Variants in SLC8A2 observed in about 807,000 individuals in gnomAD.
SLC8A2 encodes sodium/calcium exchanger 2.
SLC8A2 carries 14 observed loss-of-function variants against 70.2 expected under a neutral mutation model. The ratio of observed to expected loss-of-function variants is 0.20; its 90% CI spans 0.13 to 0.31. SLC8A2 has a LOEUF of 0.31. Ranked by LOEUF, SLC8A2 falls within the 10% of genes least tolerant of loss-of-function variation. The probability of loss-of-function intolerance (pLI) is 1.00; values close to 1 mark genes in which losing one functional copy is unlikely to be tolerated. For synonymous variants in SLC8A2, 575 were observed against 594.3 expected (o/e 0.97, Z 0.47); for missense variants, 779 against 1,320.1 (o/e 0.59, Z 6.35).
At position 47,432,365 on chromosome 19, in the gene SLC8A2, C is replaced by A. The variant is rs1330636630; in HGVS notation, c.2191G>T (p.Val731Leu). Reference sequence around the variant, plus strand: ...CAGGCGAAGAGCACCTTCCAGAACACCGTCAGGAAGTGCATCACGTAGTCA... The same window carrying A: ...CAGGCGAAGAGCACCTTCCAGAACAACGTCAGGAAGTGCATCACGTAGTCA... ...CFDYVMHFLT[V>L]FWKVLFACVP... The change falls in exon 9 of 10, where the codon GTG (valine) becomes TTG (leucine). Residue 731 changes from valine (V) to leucine (L), a missense_variant. Physicochemically the swap from Val to Leu is conservative, Grantham distance 32. This residue lies in a region of SLC8A2 where 247 missense variants were observed against 362.8 expected (regional missense o/e 0.68). Coordinates refer to ENST00000236877, the MANE Select transcript of SLC8A2 (RefSeq NM_015063.3). The surrounding 1 kb of genome is among the most constrained non-coding windows in gnomAD (Gnocchi z 6.2). 1.2e-6 allele frequency: 2 copies of A among 1,614,054 alleles called. No homozygotes were observed. Among genetic ancestry groups the A allele is most frequent in the Non-Finnish European group, 1.7e-6 (2 of 1,179,974 alleles).
intron 8 of SLC8A2, among the ~76,000 whole-genome samples, chr19:47,436,939 A>G (rs1189368350): frequency 6.6e-6 from 1 of 152,102 alleles, no homozygotes; most frequent in Non-Finnish European, 1.5e-5. Flanking sequence ...TGGCCACACC[A>G]TTTAATCTGT....
At position 47,466,553 on chromosome 19, in the gene SLC8A2, G is replaced by A. The variant is rs138996169; in HGVS notation, c.-16-134C>T. ...TGCAGGCAGGATGGGGACTGAGGGCGACAGAGACACAGAGAGTGACAGACA... is the reference window on the plus strand; with the variant it reads ...TGCAGGCAGGATGGGGACTGAGGGCAACAGAGACACAGAGAGTGACAGACA... On this transcript the variant is annotated intron_variant, in intron 1 of 9. Transcript: ENST00000236877. This position sits in a 1 kb window ranked among gnomAD's most constrained non-coding sequence, Gnocchi z 6.9. 5.4e-5 allele frequency: 30 copies of A among 552,818 alleles called. No individual in the cohort carries two copies. The highest frequency in any genetic ancestry group is 3.7e-4 in the South Asian group (14 of 38,350). The allele number at this position is 552,818 out of a possible 1,614,324, so 34.2% of individuals were successfully genotyped here.
chr19:47,442,297 C>T (rs1967109097), intron 4 of SLC8A2, among the ~76,000 whole-genome samples: 1 of 152,154 alleles, frequency 6.6e-6, no homozygotes, highest in Admixed American at 6.5e-5. Flanking sequence ...TCTGTTCCTT[C>T]AAGAGCAGCC....
Position 47,468,583 on chromosome 19 carries a change from C to T in SLC8A2, c.-16-2164G>A, listed in dbSNP as rs568535843. Among the ~76,000 whole-genome samples, 92 of 152,290 alleles carry T rather than the reference C, an allele frequency of 6.0e-4. No homozygotes were observed. Among genetic ancestry groups the T allele is most frequent in the Non-Finnish European group, 1.2e-3 (81 of 68,010 alleles). On this transcript the variant is annotated intron_variant, in intron 1 of 9. Transcript: ENST00000236877. The surrounding 1 kb of genome is among the most constrained non-coding windows in gnomAD (Gnocchi z 5.1). Reference sequence around the variant, plus strand: ...GATCACAGGTGCGTGCCACCGTGCCCCGCCCACTCTTCCCCTCATATCCGC... The same window carrying T: ...GATCACAGGTGCGTGCCACCGTGCCTCGCCCACTCTTCCCCTCATATCCGC...
chr19:47,445,436 GTC>G (rs1171350655), intron 4 of SLC8A2, among the ~76,000 whole-genome samples: 1 of 152,026 alleles, frequency 6.6e-6, no homozygotes, highest in Non-Finnish European at 1.5e-5. Context: ...CTGTGTCTCT[GTC>G]TCTCTGTTCT....
chr19:47,449,191 G>C (rs111329539), intron 3 of SLC8A2, among the ~76,000 whole-genome samples: 1 of 152,138 alleles, frequency 6.6e-6, no homozygotes, highest in African/African-American at 2.4e-5. Context: ...GAAACAGGAG[G>C]GTAGGGAGTG....
chr19:47,443,984 C>T (rs113029725), intron 4 of SLC8A2, among the ~76,000 whole-genome samples: 1 of 152,244 alleles, frequency 6.6e-6, no homozygotes, highest in African/African-American at 2.4e-5. Context: ...CAGCCTTGAT[C>T]TCCAGGGCTC....
chr19:47,446,157 G>C (rs1967159275), intron 4 of SLC8A2, among the ~76,000 whole-genome samples: 1 of 152,174 alleles, frequency 6.6e-6, no homozygotes, highest in Non-Finnish European at 1.5e-5. Context: ...GGAGGAGGGA[G>C]GGGGAGCGCG....
intron 9 of SLC8A2, among the ~76,000 whole-genome samples, chr19:47,431,522 G>A (rs1028630320): frequency 1.3e-5 from 2 of 151,970 alleles, no homozygotes; most frequent in East Asian, 2.0e-4. Context: ...GGTGGCGCAC[G>A]CCTGTAGTCT....
chr19:47,452,435 AGAGAGAGAGAGTGTGTGTGTGTGT>A lies in SLC8A2; in HGVS notation c.1341-4228_1341-4205del, dbSNP rs1272954839. Among the ~76,000 whole-genome samples the A allele has an allele frequency of 1.7e-3, 164 of 94,890 alleles. 1 individual carries two copies. The highest frequency in any genetic ancestry group is 7.2e-3 in the African/African-American group (156 of 21,758). 62.3% of individuals were successfully genotyped at this position (94,890 alleles called of 152,430 possible). A position where few individuals can be genotyped will look rare whatever the true frequency, so the allele number is the denominator to read the frequency against. ...GAGAGAGAGAGAGAGAGAGAGAGAG[AGAGAGAGAGAGTGTGTGTGTGTGT>A]GTGTGTGTGTGTGTGTGTGTGTGTG... On this transcript the variant is annotated intron_variant, in intron 3 of 9. Coordinates refer to ENST00000236877, the MANE Select transcript of SLC8A2 (RefSeq NM_015063.3).
At position 47,432,297 on chromosome 19, in the gene SLC8A2, A is replaced by C. The variant is rs1246797876; in HGVS notation, c.2259T>G (p.Gly753=). 6.2e-7 allele frequency: 1 copy of C among 1,614,102 alleles called. No homozygotes were observed. Among genetic ancestry groups the C allele is most frequent in the Non-Finnish European group, 8.5e-7 (1 of 1,180,004 alleles). ...GCAGGCCGATGACCAGGATGGAGAC[A>C]CCAAAGCAGGCCCAGCCGTGGCAGT... ...TEYCHGWACF[G]VSILVIGLLT... The change falls in exon 9 of 10, where the codon GGT becomes GGG. Residue 753 remains glycine (G), a synonymous_variant. Coordinates refer to ENST00000236877, the MANE Select transcript of SLC8A2 (RefSeq NM_015063.3). The surrounding 1 kb of genome is among the most constrained non-coding windows in gnomAD (Gnocchi z 6.2).
chr19:47,441,516 G>A (rs1967099562), intron 4 of SLC8A2, 76 bp from the exon 5 acceptor site: 4 of 812,672 alleles, frequency 4.9e-6, no homozygotes, highest in Admixed American at 2.1e-5. Flanking sequence ...AACCCTCCTG[G>A]CAGCCACCCA....
At chr19:47,458,435 C>T (rs1174101323) in intron 2 of SLC8A2, among the ~76,000 whole-genome samples, 1 of 132,218 alleles carries the variant, frequency 7.6e-6, no homozygotes. Context: ...CCGAGTTCTC[C>T]GTTTCCCCCC....
intron 4 of SLC8A2, among the ~76,000 whole-genome samples, chr19:47,444,870 C>T (rs1967141339): frequency 6.6e-6 from 1 of 152,196 alleles, no homozygotes; most frequent in Non-Finnish European, 1.5e-5. Flanking sequence ...CCCTTCTCCC[C>T]TGCCAGTCTC....
chr19:47,451,976 A>G (rs572287000), intron 3 of SLC8A2, among the ~76,000 whole-genome samples: 1 of 152,284 alleles, frequency 6.6e-6, no homozygotes, highest in Non-Finnish European at 1.5e-5. Context: ...GCAGGAGTGA[A>G]AATACAGCCA....
At chr19:47,434,717 C>T (rs538883003) in intron 8 of SLC8A2, among the ~76,000 whole-genome samples, 70 of 152,198 alleles carry the variant, frequency 4.6e-4, no homozygotes, top group African/African-American at 1.6e-3. Context: ...AGATGGGACC[C>T]GACTCATCTC....
intron 8 of SLC8A2, among the ~76,000 whole-genome samples, chr19:47,434,203 C>T (rs1009320952): frequency 1.3e-5 from 2 of 152,186 alleles, no homozygotes; most frequent in African/African-American, 2.4e-5. Flanking sequence ...CTGCTATTAC[C>T]GCATCACTAT....
intron 2 of SLC8A2, among the ~76,000 whole-genome samples, chr19:47,462,116 G>A (rs369258545): frequency 2.0e-5 from 3 of 151,810 alleles, no homozygotes; most frequent in African/African-American, 7.3e-5. Flanking sequence ...TTATCCGCAC[G>A]GGACAGTCCC....
At chr19:47,461,640 A>G (rs914529477) in intron 2 of SLC8A2, among the ~76,000 whole-genome samples, 2 of 152,246 alleles carry the variant, frequency 1.3e-5, no homozygotes, top group Non-Finnish European at 2.9e-5. Context: ...CAAATAGTAA[A>G]ACTGCATGAA....
Sources: gnomAD v4.1 joint callset for allele counts (sites outside exome capture counted in the v4.1 genomes callset) on GRCh38, gnomAD v4.1.1 for gene constraint, gnomAD v4.1.1 regional missense constraint, Gnocchi (gnomAD v3.1) non-coding constraint, MANE v1.5 for transcripts, NCBI Gene and HGNC (gene_info 2026-07-23, HGNC 2026-07-21) for gene names.